The following IGF1R variants were observed in gnomAD, a reference collection of about 807,000 sequenced individuals.
The protein encoded by IGF1R is insulin-like growth factor 1 receptor.
Under a neutral mutation model 144.6 loss-of-function variants are expected in IGF1R, and 44 were observed. The ratio of observed to expected loss-of-function variants is 0.30; its 90% CI spans 0.24 to 0.39. The LOEUF (loss-of-function observed/expected upper bound fraction) is 0.39, where lower values mean the gene tolerates loss of function less well. IGF1R is among the 10% of genes least tolerant of loss of function. IGF1R has a pLI of 1.00. For synonymous variants in IGF1R, 795 were observed against 722.8 expected (o/e 1.10, Z -1.60); for missense variants, 1,355 against 1,833.7 (o/e 0.74, Z 4.77).
chr15:98,899,511 G>T lies in IGF1R; in HGVS notation c.1137G>T (p.Gly379=). ...CTTCAGAGCTGGAGAACTTCATGGGGCTCATCGAGGTGGTGACGGGCTACG... is the reference window on the plus strand; with the variant it reads ...CTTCAGAGCTGGAGAACTTCATGGGTCTCATCGAGGTGGTGACGGGCTACG... The part of the protein sequence containing the change: ...NIASELENFM[G]LIEVVTGYVK... Residue 379 remains glycine (G), a synonymous_variant, in exon 5 of 21, where the codon GGG becomes GGT. Transcript: ENST00000650285. 6.2e-7 allele frequency: 1 copy of T among 1,614,112 alleles called. No homozygotes were observed. The highest frequency in any genetic ancestry group is 8.5e-7 in the Non-Finnish European group (1 of 1,179,976).
Position 98,707,441 on chromosome 15 carries a change from T to G in IGF1R, c.95-121T>G. 1 of 1,052,460 alleles carries G rather than the reference T, an allele frequency of 9.5e-7. No individual in the cohort carries two copies. Among genetic ancestry groups the G allele is most frequent in the Non-Finnish European group, 1.4e-6 (1 of 699,222 alleles). 65.2% of individuals were successfully genotyped at this position (1,052,460 alleles called of 1,614,324 possible). ...AACCCACAGCTCTGCAGTGAACAATTGAACCTCATTTCTTTAATAATAATA... is the reference window on the plus strand; with the variant it reads ...AACCCACAGCTCTGCAGTGAACAATGGAACCTCATTTCTTTAATAATAATA... On this transcript the variant is annotated intron_variant, in intron 1 of 20. Coordinates refer to ENST00000650285, the MANE Select transcript of IGF1R (RefSeq NM_000875.5). This position sits in a 1 kb window ranked among gnomAD's most constrained non-coding sequence, Gnocchi z 6.7.
chr15:98,678,094 T>C (rs773184817), intron 1 of IGF1R, among the ~76,000 whole-genome samples: 1 of 152,178 alleles, frequency 6.6e-6, no homozygotes, highest in Non-Finnish European at 1.5e-5. Context: ...TAAGGATGGG[T>C]GTTGAATGTC....
chr15:98,777,615 C>T (rs1450934394), intron 2 of IGF1R, among the ~76,000 whole-genome samples: 1 of 152,238 alleles, frequency 6.6e-6, no homozygotes, highest in Non-Finnish European at 1.5e-5. Flanking sequence ...GGAATGACCC[C>T]TGTGGGGGCT....
Position 98,963,079 on chromosome 15 carries a change from G to C in IGF1R, c.*5637G>C, listed in dbSNP as rs1055574770. On this transcript the variant is annotated 3_prime_UTR_variant, in exon 21 of 21. Transcript: ENST00000650285. ...CAGTTGACGAAGATCTGGTTTACAA[G>C]AACTAATTAAATGTTTCATTGCATT... 4.3e-6 allele frequency: 1 copy of C among 233,398 alleles called. No individual in the cohort carries two copies. The allele number at this position is 233,398 out of a possible 1,614,324, so 14.5% of individuals were successfully genotyped here.
rs371027016 is a variant in IGF1R, at chr15:98,916,751, T to C, written c.2076T>C (p.Cys692=). ...CAGAGAACCCCAAGACTGAGGTGTG[T>C]GGTGGGGAGAAAGGGCCTTGCTGCG... ...EVTENPKTEV[C]GGEKGPCCAC... Residue 692 remains cysteine (C), a synonymous_variant, in exon 10 of 21, where the codon TGT becomes TGC. Coordinates refer to ENST00000650285, the MANE Select transcript of IGF1R (RefSeq NM_000875.5). The C allele has an allele frequency of 6.2e-7, 1 of 1,613,872 alleles. No individual in the cohort carries two copies. The highest frequency in any genetic ancestry group is 1.7e-5 in the Admixed American group (1 of 59,998).
intron 2 of IGF1R, among the ~76,000 whole-genome samples, chr15:98,877,881 T>A (rs1484764624): frequency 6.6e-6 from 1 of 152,246 alleles, no homozygotes; most frequent in East Asian, 1.9e-4. Flanking sequence ...AATAGTAGTT[T>A]CCCTACAAGT....
chr15:98,956,947 T>G (rs901153645), intron 20 of IGF1R, 114 bp from the exon 21 acceptor site: 26 of 1,202,450 alleles, frequency 2.2e-5, no homozygotes, highest in Admixed American at 3.4e-5. Flanking sequence ...AGGGCTGTGT[T>G]CAGTGCTCCC....
chr15:98,688,010 G>A (rs1372734580), intron 1 of IGF1R, among the ~76,000 whole-genome samples: 1 of 152,130 alleles, frequency 6.6e-6, no homozygotes, highest in Non-Finnish European at 1.5e-5. Flanking sequence ...GAACTGCAGC[G>A]GTGTCTTGTG....
At chr15:98,722,420 C>T (rs930129444) in intron 2 of IGF1R, among the ~76,000 whole-genome samples, 4 of 152,288 alleles carry the variant, frequency 2.6e-5, no homozygotes, top group Admixed American at 6.5e-5. Flanking sequence ...AGGCCCTCGA[C>T]TCGTGAATGA....
At chr15:98,665,704 C>T (rs1416526480) in intron 1 of IGF1R, among the ~76,000 whole-genome samples, 1 of 152,236 alleles carries the variant, frequency 6.6e-6, no homozygotes, top group African/African-American at 2.4e-5. Context: ...TGGATGGCTG[C>T]TTGCAAGGAT....
At chr15:98,755,736 A>AGC (rs1567112729) in intron 2 of IGF1R, among the ~76,000 whole-genome samples, 8 of 138,172 alleles carry the variant, frequency 5.8e-5, no homozygotes, top group African/African-American at 1.9e-4. Flanking sequence ...AAAAAAAAAA[A>AGC]AAAAAAAAAA....
At chr15:98,797,127 A>G (rs1012214478) in intron 2 of IGF1R, among the ~76,000 whole-genome samples, 13 of 152,184 alleles carry the variant, frequency 8.5e-5, no homozygotes, top group South Asian at 4.1e-4. Context: ...TGGCTTCTCT[A>G]TGGATGACAG....
At chr15:98,847,783 G>GT (rs1233173596) in intron 2 of IGF1R, among the ~76,000 whole-genome samples, 1 of 152,138 alleles carries the variant, frequency 6.6e-6, no homozygotes, top group Non-Finnish European at 1.5e-5. Flanking sequence ...TGCTATTTGA[G>GT]TTTTTTAGGA....
intron 2 of IGF1R, among the ~76,000 whole-genome samples, chr15:98,746,444 G>T (rs1224579918): frequency 6.6e-6 from 1 of 152,180 alleles, no homozygotes; most frequent in African/African-American, 2.4e-5. Flanking sequence ...AGGTGTGAGT[G>T]CATGCCTCCT....
chr15:98,934,692 C>A (rs550577744), intron 15 of IGF1R, 132 bp from the exon 16 acceptor site: 2 of 766,712 alleles, frequency 2.6e-6, no homozygotes, highest in Non-Finnish European at 4.6e-6. Context: ...TCAAGCCATG[C>A]CATCGCCTCC....
intron 2 of IGF1R, among the ~76,000 whole-genome samples, chr15:98,831,246 A>G (rs779800647): frequency 3.9e-5 from 6 of 152,308 alleles, no homozygotes; most frequent in Admixed American, 2.0e-4. Flanking sequence ...TTTCACCCAC[A>G]TCTGACCCTA....
At chr15:98,748,853 G>C (rs1275455699) in intron 2 of IGF1R, among the ~76,000 whole-genome samples, 1 of 152,178 alleles carries the variant, frequency 6.6e-6, no homozygotes, top group Non-Finnish European at 1.5e-5. Flanking sequence ...TTGATTTTCA[G>C]TAGCTACAGT....
chr15:98,852,338 G>T (rs1258106326), intron 2 of IGF1R, among the ~76,000 whole-genome samples: 1 of 151,984 alleles, frequency 6.6e-6, no homozygotes, highest in East Asian at 1.9e-4. Flanking sequence ...AAGAGGGAGC[G>T]GGCACCCCGC....
chr15:98,890,820 T>G (rs972787639), intron 2 of IGF1R: 3 of 188,068 alleles, frequency 1.6e-5, no homozygotes, highest in African/African-American at 7.0e-5. Context: ...GTATCATCTT[T>G]ACTATAGTGT....
Sources: allele counts gnomAD v4.1 joint callset (sites outside exome capture counted in the v4.1 genomes callset), GRCh38; gene constraint gnomAD v4.1.1; non-coding constraint Gnocchi (gnomAD v3.1); transcripts MANE v1.5; gene names NCBI Gene and HGNC (gene_info 2026-07-23, HGNC 2026-07-21).